SUSD4: variants seen among roughly 807,000 people sequenced by gnomAD.
The protein encoded by SUSD4 is sushi domain containing 4, also known as sushi domain-containing protein 4.
In SUSD4, 41 loss-of-function variants were observed where a neutral mutation model predicts 50.5. The ratio of observed to expected loss-of-function variants is 0.81; its 90% CI spans 0.63 to 1.05. SUSD4 has a LOEUF of 1.05. SUSD4 is among the 50% of genes least tolerant of loss of function. The probability of loss-of-function intolerance (pLI) is 0.00; values close to 1 mark genes in which losing one functional copy is unlikely to be tolerated. For synonymous variants in SUSD4, 257 were observed against 257.3 expected, an observed-to-expected ratio of 1.00 and a Z score of 0.01; for missense variants, 580 against 634.7, an observed-to-expected ratio of 0.91 and a Z score of 0.93.
At chr1:223,338,933 C>T (rs1667603138) in intron 2 of SUSD4, among the ~76,000 whole-genome samples, 1 of 152,172 alleles carries the variant, frequency 6.6e-6, no homozygotes, top group South Asian at 2.1e-4. Context: ...AGAAATACAT[C>T]CAGTTCCAGG....
chr1:223,248,331 A>G (rs1031474907), intron 5 of SUSD4, among the ~76,000 whole-genome samples: 2 of 152,188 alleles, frequency 1.3e-5, no homozygotes, highest in Non-Finnish European at 2.9e-5. Context: ...ACAGGAAGAC[A>G]GGGACTCTGC....
At chr1:223,356,343 T>C (rs536486098) in intron 2 of SUSD4, among the ~76,000 whole-genome samples, 6 of 152,286 alleles carry the variant, frequency 3.9e-5, no homozygotes, top group African/African-American at 1.4e-4. Flanking sequence ...CTATCAAATG[T>C]TATTTTTACT....
intron 4 of SUSD4, among the ~76,000 whole-genome samples, chr1:223,265,365 T>C (rs1306565127): frequency 6.6e-6 from 1 of 152,266 alleles, no homozygotes; most frequent in African/African-American, 2.4e-5. Flanking sequence ...AACCCAGTTG[T>C]GTTTTATGTA....
At chr1:223,270,322 G>A (rs1002800032) in intron 3 of SUSD4, among the ~76,000 whole-genome samples, 3 of 152,082 alleles carry the variant, frequency 2.0e-5, no homozygotes, top group Admixed American at 6.6e-5. Flanking sequence ...TCTGACCTGC[G>A]CACACACCTG....
At chr1:223,353,008 A>C (rs1206612188) in intron 2 of SUSD4, among the ~76,000 whole-genome samples, 1 of 152,070 alleles carries the variant, frequency 6.6e-6, no homozygotes, top group South Asian at 2.1e-4. Flanking sequence ...CCTGCTTCAC[A>C]TGTTTAATCT....
Position 223,359,225 on chromosome 1 carries a change from C to T in SUSD4, c.148+4053G>A, listed in dbSNP as rs1558283211. 3 of 453,174 alleles carry T rather than the reference C, an allele frequency of 6.6e-6. No individual in the cohort carries two copies. The East Asian group carries it at 2.1e-4, about 32-fold the overall frequency. The allele number at this position is 453,174 out of a possible 1,614,324, so 28.1% of individuals were successfully genotyped here. A position where few individuals can be genotyped will look rare whatever the true frequency, so the allele number is the denominator to read the frequency against. On this transcript the variant is annotated intron_variant, in intron 2 of 8. Transcript: ENST00000366878. Reference sequence around the variant, plus strand: ...CTGCCTGCTGTGTGACTTTCAGAACCCCTATTGGAGCTTCTAGGACTTTTA... The same window carrying T: ...CTGCCTGCTGTGTGACTTTCAGAACTCCTATTGGAGCTTCTAGGACTTTTA...
rs1239409764 is a variant in SUSD4 at position 223,224,862 on chromosome 1, C to CTTCTTTTTTTT, written c.1062-1232_1062-1231insAAAAAAAAGAA. Among the ~76,000 whole-genome samples the CTTCTTTTTTTT allele has an allele frequency of 9.6e-4, 57 of 59,298 alleles. 2 individuals are homozygous for CTTCTTTTTTTT. The highest frequency in any genetic ancestry group is 3.4e-3 in the African/African-American group (47 of 13,926). The allele number at this position is 59,298 out of a possible 152,430, so 38.9% of individuals were successfully genotyped here. A position where few individuals can be genotyped will look rare whatever the true frequency, so the allele number is the denominator to read the frequency against. On this transcript the variant is annotated intron_variant, in intron 7 of 8. Coordinates refer to ENST00000366878, the MANE Select transcript of SUSD4 (RefSeq NM_017982.4). Reference sequence around the variant, plus strand: ...GTAGCCAATAGAACTTGGTTTCTTCCTTTTTTTTTTTTTTTTTTTTTTTTT... The same window carrying CTTCTTTTTTTT: ...GTAGCCAATAGAACTTGGTTTCTTCCTTCTTTTTTTTTTTTTTTTTTTTTTTTTTTTTTTTT...
At chr1:223,266,170 T>C (rs1240669865) in intron 4 of SUSD4, among the ~76,000 whole-genome samples, 1 of 152,214 alleles carries the variant, frequency 6.6e-6, no homozygotes, top group Non-Finnish European at 1.5e-5. Flanking sequence ...AGATCATAGC[T>C]TTGAATTGGC....
intron 3 of SUSD4, among the ~76,000 whole-genome samples, chr1:223,275,350 T>C (rs981155517): frequency 1.1e-4 from 17 of 152,240 alleles, no homozygotes; most frequent in Admixed American, 1.0e-3. Context: ...TTCTTGCTTT[T>C]CTCTTAATAA....
chr1:223,317,097 C>T (rs1490366999), intron 2 of SUSD4, among the ~76,000 whole-genome samples: 2 of 152,102 alleles, frequency 1.3e-5, no homozygotes, highest in Non-Finnish European at 2.9e-5. Context: ...ATGGTTAAGG[C>T]ATTGTAAGCC....
At chr1:223,276,753 T>TG (rs1468291049) in intron 3 of SUSD4, among the ~76,000 whole-genome samples, 1 of 152,226 alleles carries the variant, frequency 6.6e-6, no homozygotes, top group African/African-American at 2.4e-5. Context: ...AGCATCCCTC[T>TG]GCTCCTTCCC....
At position 223,239,736 on chromosome 1, in the gene SUSD4, T is replaced by TAA. The variant is rs140352970; in HGVS notation, c.725-10350_725-10349dup. ...AAGCGTCTGTGTGTGTGTGTGTGTG[T>TAA]AATATACCTAAGTATATGTGATCAA... On this transcript the variant is annotated intron_variant, in intron 5 of 8. Transcript: ENST00000366878. Among the ~76,000 whole-genome samples the TAA allele has an allele frequency of 7.1e-3, 1,079 of 152,140 alleles. 8 individuals are homozygous for TAA. The highest frequency in any genetic ancestry group is 0.014 in the Middle Eastern group (4 of 294).
intron 5 of SUSD4, among the ~76,000 whole-genome samples, chr1:223,245,621 A>G (rs565781748): frequency 4.5e-4 from 69 of 152,298 alleles, no homozygotes; most frequent in Non-Finnish European, 8.8e-4. Context: ...GACACTGCAA[A>G]GAGTGGGAAC....
intron 3 of SUSD4, among the ~76,000 whole-genome samples, chr1:223,283,431 G>A (rs977488524): frequency 6.6e-6 from 1 of 152,184 alleles, no homozygotes. Context: ...GATATGAACA[G>A]ATACTTCTCA....
At chr1:223,233,776 A>G (rs1016822263) in intron 5 of SUSD4, among the ~76,000 whole-genome samples, 8 of 152,204 alleles carry the variant, frequency 5.3e-5, no homozygotes, top group Non-Finnish European at 1.2e-4. Context: ...TTCTAAGGGA[A>G]ACACACCCAG....
chr1:223,244,841 C>T (rs762006690), intron 5 of SUSD4, among the ~76,000 whole-genome samples: 1 of 152,178 alleles, frequency 6.6e-6, no homozygotes, highest in Non-Finnish European at 1.5e-5. Flanking sequence ...AGAAACTGCT[C>T]ACGTTACATC....
rs1018067688 is a variant in SUSD4 at position 223,339,573 on chromosome 1, G to A, written c.148+23705C>T. 3.3e-5 allele frequency among the ~76,000 whole-genome samples: 5 copies of A among 152,326 alleles called. No homozygotes were observed. In the South Asian group the frequency reaches 1.0e-3, roughly 32 times the overall value. ...CAGGTCCCTGTCAGATCTGGTGTGA[G>A]ACTGAGGGAGTCACTGCAGCAGGGT... On this transcript the variant is annotated intron_variant, in intron 2 of 8. Transcript: ENST00000366878.
intron 8 of SUSD4, among the ~76,000 whole-genome samples, 166 bp from the exon 9 acceptor site, chr1:223,222,386 A>G (rs909086040): frequency 6.6e-6 from 1 of 152,226 alleles, no homozygotes. Flanking sequence ...CCTCCTATAC[A>G]ACATCTTTCT....
At position 223,287,364 on chromosome 1, in the gene SUSD4, A is replaced by AC. The variant is rs559086886; in HGVS notation, c.361+5074dup. Among the ~76,000 whole-genome samples, 26 of 152,270 alleles carry AC rather than the reference A, an allele frequency of 1.7e-4. 1 individual carries two copies. The South Asian group carries it at 5.4e-3, about 32-fold the overall frequency. On this transcript the variant is annotated intron_variant, in intron 3 of 8. Coordinates refer to ENST00000366878, the MANE Select transcript of SUSD4 (RefSeq NM_017982.4). The stretch of plus-strand genomic sequence containing the variant: ...AGAACTGGGATTACAGGCGTGAGCC[A>AC]CCGCACCCAGCCCAGAGGTAGCTTT...
Sources: gnomAD v4.1 joint callset for allele counts (sites outside exome capture counted in the v4.1 genomes callset) on GRCh38, gnomAD v4.1.1 for gene constraint, MANE v1.5 for transcripts, NCBI Gene and HGNC (gene_info 2026-07-23, HGNC 2026-07-21) for gene names.